Variants in CA10 observed in about 807,000 individuals in gnomAD.
CA10 encodes the protein carbonic anhydrase 10 (inactive).
A neutral mutation model predicts 44.2 loss-of-function variants in CA10; 14 were observed. The ratio of observed to expected loss-of-function variants is 0.32; its 90% CI spans 0.21 to 0.50. The LOEUF is 0.50. Ranked by LOEUF, CA10 falls within the 20% of genes least tolerant of loss-of-function variation. The pLI, the probability that CA10 is intolerant of heterozygous loss-of-function variation, is 0.99. For synonymous variants in CA10, 159 were observed against 141.6 expected, an observed-to-expected ratio of 1.12 and a Z score of -0.87; for missense variants, 350 against 409.7, an observed-to-expected ratio of 0.85 and a Z score of 1.26.
At chr17:51,761,805 A>G (rs1218129148) in intron 3 of CA10, 1 of 152,208 alleles carries the variant, frequency 6.6e-6, no homozygotes, top group African/African-American at 2.4e-5. Flanking sequence ...ATATATAGAC[A>G]TCATCCACAA....
At chr17:51,640,071 C>T (rs941178042) in intron 6 of CA10, among the ~76,000 whole-genome samples, 3 of 152,168 alleles carry the variant, frequency 2.0e-5, no homozygotes, top group African/African-American at 7.2e-5. Context: ...ACTGAATTAG[C>T]TTGTCAATCA....
At chr17:51,899,761 T>A (rs1172776520) in intron 3 of CA10, among the ~76,000 whole-genome samples, 2 of 152,056 alleles carry the variant, frequency 1.3e-5, no homozygotes, top group African/African-American at 4.8e-5. Flanking sequence ...TCAGGTTAGG[T>A]CTTCTTGTTG....
intron 3 of CA10, among the ~76,000 whole-genome samples, chr17:51,853,969 G>C (rs951362496): frequency 1.3e-5 from 2 of 152,094 alleles, no homozygotes; most frequent in African/African-American, 4.8e-5. Context: ...GTTTTTTATA[G>C]CAGTGTGAAA....
intron 3 of CA10, among the ~76,000 whole-genome samples, chr17:51,841,900 C>A (rs1978322696): frequency 6.6e-6 from 1 of 152,206 alleles, no homozygotes. Context: ...TGCATCATAT[C>A]CAGGCATGCC....
chr17:52,002,502 AG>A (rs967467727), intron 2 of CA10, among the ~76,000 whole-genome samples: 1 of 152,030 alleles, frequency 6.6e-6, no homozygotes, highest in African/African-American at 2.4e-5. Flanking sequence ...ATGGAGTCAA[AG>A]AAAAAAAGTC....
chr17:51,746,593 G>A (rs767288012), intron 4 of CA10, among the ~76,000 whole-genome samples: 13 of 152,178 alleles, frequency 8.5e-5, no homozygotes, highest in Non-Finnish European at 1.5e-4. Context: ...ATTACAGCAT[G>A]ACATTATACT....
chr17:51,886,661 G>T (rs1008372108), intron 3 of CA10, among the ~76,000 whole-genome samples: 1 of 152,152 alleles, frequency 6.6e-6, no homozygotes, highest in Admixed American at 6.5e-5. Context: ...CATTATTTTT[G>T]GGTGTCTGTG....
chr17:51,756,469 G>GTT (rs1383108448), intron 3 of CA10, among the ~76,000 whole-genome samples: 16 of 100,474 alleles, frequency 1.6e-4, no homozygotes, highest in African/African-American at 5.1e-4. Context: ...AAATGAGGTA[G>GTT]TTGTTTTTTT....
Position 51,767,673 on chromosome 17 carries a change from T to C in CA10, c.280-19855A>G, listed in dbSNP as rs373278375. ...TCTATTATTATTACATTGTAACATA[T>C]AATGAAACAATTACACAACTCATCA... On this transcript the variant is annotated intron_variant, in intron 3 of 8. Transcript: ENST00000451037. Among the ~76,000 whole-genome samples, 5 of 151,838 alleles carry C rather than the reference T, an allele frequency of 3.3e-5. No homozygotes were observed. In the East Asian group the frequency reaches 9.6e-4, roughly 29 times the overall value.
intron 4 of CA10, among the ~76,000 whole-genome samples, chr17:51,736,054 T>C (rs1454918396): frequency 6.6e-6 from 1 of 152,198 alleles, no homozygotes; most frequent in Non-Finnish European, 1.5e-5. Context: ...GTTTAAATTC[T>C]TAAATTTTTT....
intron 1 of CA10, chr17:52,135,087 T>G (rs1989326305): frequency 2.3e-6 from 1 of 428,920 alleles, no homozygotes; most frequent in South Asian, 1.7e-5. Flanking sequence ...GCCCCCCAAC[T>G]GAATGGACCC....
In CA10 at chr17:52,036,499, G is replaced by A. The variant is rs947817115; in HGVS notation, c.136+35820C>T. On this transcript the variant is annotated intron_variant, in intron 2 of 8. Transcript: ENST00000451037. ...AATTACCTGGTTTCTTGAAGGAGGGGCCACCTGGAGTATCTTGAAGAATAA... is the reference window on the plus strand; with the variant it reads ...AATTACCTGGTTTCTTGAAGGAGGGACCACCTGGAGTATCTTGAAGAATAA... 7.2e-5 allele frequency among the ~76,000 whole-genome samples: 11 copies of A among 152,110 alleles called. 1 individual carries two copies. Among genetic ancestry groups the A allele is most frequent in the African/African-American group, 2.7e-4 (11 of 41,418 alleles).
Position 51,900,682 on chromosome 17 carries a change from C to A in CA10, c.279+30308G>T, listed in dbSNP as rs963452216. 2.3e-4 allele frequency among the ~76,000 whole-genome samples: 35 copies of A among 152,094 alleles called. 2 individuals are homozygous for A. The highest frequency in any genetic ancestry group is 1.3e-4 in the Admixed American group (2 of 15,250). On this transcript the variant is annotated intron_variant, in intron 3 of 8. Transcript: ENST00000451037. ...TGCCAGTAAGTAGCAGATTTTATTT[C>A]TTTACGTAATTCTATATCCCTTGGT...
At chr17:51,639,172 T>C (rs946310976) in intron 6 of CA10, among the ~76,000 whole-genome samples, 2 of 150,268 alleles carry the variant, frequency 1.3e-5, no homozygotes, top group Non-Finnish European at 3.0e-5. Context: ...AAGATTAACA[T>C]ATTGAATAAG....
intron 2 of CA10, among the ~76,000 whole-genome samples, chr17:51,972,806 A>G (rs1241039483): frequency 3.3e-5 from 5 of 152,124 alleles, no homozygotes; most frequent in African/African-American, 1.2e-4. Flanking sequence ...AAAACCAAAA[A>G]CTTAGTAAGC....
intron 4 of CA10, among the ~76,000 whole-genome samples, chr17:51,723,574 A>C (rs55884938): frequency 2.0e-5 from 3 of 151,890 alleles, no homozygotes; most frequent in Non-Finnish European, 2.9e-5. Flanking sequence ...AACATTGTAT[A>C]ATATCAAGGA....
At chr17:52,139,069 A>T (rs553232715) in intron 1 of CA10, among the ~76,000 whole-genome samples, 38 of 152,190 alleles carry the variant, frequency 2.5e-4, no homozygotes, top group Non-Finnish European at 4.9e-4. Context: ...GGAGTTGGTA[A>T]ATTGCGCTGT....
chr17:51,795,270 C>T (rs1906663054), intron 3 of CA10, among the ~76,000 whole-genome samples: 1 of 152,164 alleles, frequency 6.6e-6, no homozygotes, highest in African/African-American at 2.4e-5. Context: ...GCCATCTACA[C>T]CATAAGATAA....
chr17:51,803,558 G>A (rs953185355), intron 3 of CA10, among the ~76,000 whole-genome samples: 1 of 152,084 alleles, frequency 6.6e-6, no homozygotes, highest in Non-Finnish European at 1.5e-5. Flanking sequence ...TTTTTTGGGT[G>A]GTGTGAAGGA....
Sources: gnomAD v4.1 joint callset for allele counts (sites outside exome capture counted in the v4.1 genomes callset) on GRCh38, gnomAD v4.1.1 for gene constraint, MANE v1.5 for transcripts, NCBI Gene and HGNC (gene_info 2026-07-23, HGNC 2026-07-21) for gene names.